The following GRB14 variants were observed in gnomAD, a reference collection of about 807,000 sequenced individuals.
GRB14 encodes growth factor receptor bound protein 14.
In GRB14, 38 loss-of-function variants were observed where a neutral mutation model predicts 69.1. That is an observed-to-expected ratio of 0.55 (90% CI 0.42 to 0.72). The LOEUF is 0.72. Among genes scored for constraint, GRB14 ranks in the 30% least tolerant of loss-of-function variants. The pLI, the probability that GRB14 is intolerant of heterozygous loss-of-function variation, is 0.00. For synonymous variants in GRB14, 247 were observed against 241.3 expected, an observed-to-expected ratio of 1.02 and a Z score of -0.22; for missense variants, 666 against 666.1, an observed-to-expected ratio of 1.00 and a Z score of 0.00.
intron 8 of GRB14, among the ~76,000 whole-genome samples, chr2:164,507,326 C>T (rs1338549571): frequency 2.6e-5 from 4 of 152,154 alleles, no homozygotes; most frequent in African/African-American, 9.7e-5. Context: ...TTTACTTCAT[C>T]CCCTTCTTCA....
chr2:164,563,513 G>A (rs937048323), intron 2 of GRB14, among the ~76,000 whole-genome samples: 12 of 152,138 alleles, frequency 7.9e-5, no homozygotes, highest in African/African-American at 1.2e-4. Flanking sequence ...TAAAACTCAC[G>A]AGCCTGTTCT....
At position 164,619,734 on chromosome 2, in the gene GRB14, C is replaced by T; in HGVS notation, c.277G>A (p.Val93Met). The change falls in exon 2 of 14, where the codon GTG becomes ATG. Residue 93 changes from valine to methionine, a missense_variant. Coordinates refer to ENST00000263915, the MANE Select transcript of GRB14 (RefSeq NM_004490.3). Reference sequence around the variant, plus strand: ...TTGGGAAATAGGTCTGCTGACAACACAGATGTAAATGGAGAACAGCATAGC... The same window carrying T: ...TTGGGAAATAGGTCTGCTGACAACATAGATGTAAATGGAGAACAGCATAGC... ...PELCCSPFTS[V>M]LSADLFPKAN... is the part of the protein sequence containing the mutation. 2.5e-6 allele frequency: 4 copies of T among 1,603,886 alleles called. No homozygotes were observed. The highest frequency in any genetic ancestry group is 3.4e-6 in the Non-Finnish European group (4 of 1,175,788).
At chr2:164,602,133 T>TAA (rs1305497247) in intron 2 of GRB14, among the ~76,000 whole-genome samples, 1,148 of 103,502 alleles carry the variant, frequency 0.011, 11 homozygotes, top group Middle Eastern at 0.038. Context: ...TTTTTAAATT[T>TAA]AAAAAAAAAA....
At position 164,582,665 on chromosome 2, in the gene GRB14, C is replaced by T. The variant is rs868070485; in HGVS notation, c.325-34849G>A. 3.3e-5 allele frequency among the ~76,000 whole-genome samples: 5 copies of T among 152,068 alleles called. No homozygotes were observed. In the South Asian group the frequency reaches 8.3e-4, roughly 25 times the overall value. ...TGAACTCCTGACTGCGTGATCCACTCGCCTCGGCCTCCCAAAGTGCTGGGA... is the reference window on the plus strand; with the variant it reads ...TGAACTCCTGACTGCGTGATCCACTTGCCTCGGCCTCCCAAAGTGCTGGGA... On this transcript the variant is annotated intron_variant, in intron 2 of 13. Coordinates refer to ENST00000263915, the MANE Select transcript of GRB14 (RefSeq NM_004490.3).
intron 6 of GRB14, among the ~76,000 whole-genome samples, chr2:164,520,312 A>G (rs183361847): frequency 1.3e-4 from 20 of 152,258 alleles, no homozygotes; most frequent in Admixed American, 3.3e-4. Context: ...CATGTAGAAG[A>G]ATGAAAGTGG....
intron 2 of GRB14, among the ~76,000 whole-genome samples, chr2:164,614,494 C>T (rs563719437): frequency 6.6e-6 from 1 of 152,158 alleles, no homozygotes; most frequent in African/African-American, 2.4e-5. Flanking sequence ...CAAGGAATTG[C>T]TGTTATTTAT....
intron 2 of GRB14, among the ~76,000 whole-genome samples, chr2:164,562,155 A>G (rs1688845915): frequency 6.6e-6 from 1 of 152,186 alleles, no homozygotes; most frequent in African/African-American, 2.4e-5. Context: ...AGTTCTCACC[A>G]TCATACAGCT....
At chr2:164,524,822 G>A (rs1193035017) in intron 5 of GRB14, among the ~76,000 whole-genome samples, 182 bp downstream of exon 5, 1 of 151,770 alleles carries the variant, frequency 6.6e-6, no homozygotes, top group Admixed American at 6.6e-5. Flanking sequence ...TTGTTAAAGA[G>A]CTTTATTGAT....
intron 2 of GRB14, among the ~76,000 whole-genome samples, chr2:164,613,966 A>G (rs1380569746): frequency 6.6e-6 from 1 of 152,196 alleles, no homozygotes; most frequent in Non-Finnish European, 1.5e-5. Context: ...AAAAAAATAT[A>G]AAAAATCAAA....
At chr2:164,566,946 C>G (rs977598826) in intron 2 of GRB14, among the ~76,000 whole-genome samples, 3 of 151,938 alleles carry the variant, frequency 2.0e-5, no homozygotes, top group African/African-American at 7.2e-5. Context: ...TTCCATCATA[C>G]CAACATGTCA....
chr2:164,617,260 T>G (rs1690319762), intron 2 of GRB14, among the ~76,000 whole-genome samples: 1 of 152,110 alleles, frequency 6.6e-6, no homozygotes. Flanking sequence ...GGATGGATCT[T>G]TAAAAATCAG....
At chr2:164,620,771 A>C (rs1558888926) in intron 1 of GRB14, among the ~76,000 whole-genome samples, 5 of 152,110 alleles carry the variant, frequency 3.3e-5, no homozygotes. Flanking sequence ...TTATGCTACG[A>C]TTTTTTTAAA....
intron 2 of GRB14, among the ~76,000 whole-genome samples, chr2:164,614,811 T>C (rs1480270656): frequency 6.6e-6 from 1 of 151,998 alleles, no homozygotes; most frequent in Non-Finnish European, 1.5e-5. Flanking sequence ...GGACCACACA[T>C]ACAAGTTCAG....
chr2:164,576,850 C>T (rs1237562666), intron 2 of GRB14, among the ~76,000 whole-genome samples: 3 of 144,472 alleles, frequency 2.1e-5, no homozygotes, highest in Non-Finnish European at 4.6e-5. Context: ...AATGATAAAA[C>T]TAATAAGTTC....
chr2:164,583,516 T>C (rs1481503351), intron 2 of GRB14, among the ~76,000 whole-genome samples: 1 of 152,178 alleles, frequency 6.6e-6, no homozygotes, highest in Admixed American at 6.5e-5. Flanking sequence ...AGAAAGTGAA[T>C]GAACAGATTT....
intron 2 of GRB14, chr2:164,568,277 G>A (rs1398084938): frequency 1.6e-6 from 2 of 1,244,578 alleles, no homozygotes; most frequent in African/African-American, 3.1e-5. Context: ...AAAGCAGCAA[G>A]AAAAATTAAA....
At chr2:164,603,154 T>G (rs1294069260) in intron 2 of GRB14, among the ~76,000 whole-genome samples, 1 of 152,118 alleles carries the variant, frequency 6.6e-6, no homozygotes, top group Non-Finnish European at 1.5e-5. Flanking sequence ...AGGAGTAAGA[T>G]AATTTGATTA....
At chr2:164,615,181 A>G (rs1412003450) in intron 2 of GRB14, among the ~76,000 whole-genome samples, 1 of 152,156 alleles carries the variant, frequency 6.6e-6, no homozygotes, top group Non-Finnish European at 1.5e-5. Context: ...TGCAGGTGAC[A>G]TACTCATTTT....
chr2:164,557,094 G>A (rs759347031), intron 2 of GRB14, among the ~76,000 whole-genome samples: 13 of 152,290 alleles, frequency 8.5e-5, no homozygotes, highest in Non-Finnish European at 1.9e-4. Flanking sequence ...TTTCATATCT[G>A]GGATTCTGAA....
Sources: allele counts gnomAD v4.1 joint callset (sites outside exome capture counted in the v4.1 genomes callset), GRCh38; gene constraint gnomAD v4.1.1; transcripts MANE v1.5; gene names NCBI Gene and HGNC (gene_info 2026-07-23, HGNC 2026-07-21).